The following SPEF2 variants were observed in gnomAD, a reference collection of about 807,000 sequenced individuals.
SPEF2 encodes sperm flagella and cilia-associated protein 2.
A neutral mutation model predicts 224.6 loss-of-function variants in SPEF2; 187 were observed. That is an observed-to-expected ratio of 0.83 (90% confidence interval 0.74 to 0.94). The LOEUF (loss-of-function observed/expected upper bound fraction) is 0.94. Ranked by LOEUF, SPEF2 falls within the 40% of genes least tolerant of loss-of-function variation. The probability of loss-of-function intolerance (pLI) is 0.00; values close to 1 mark genes in which losing one functional copy is unlikely to be tolerated. For missense variants in SPEF2, 2,170 were observed against 2,135.6 expected (o/e 1.02, Z -0.32); for synonymous variants, 715 against 707.3 (o/e 1.01, Z -0.17).
chr5:35,751,042 T>TATATATAC (rs758436058), intron 23 of SPEF2, among the ~76,000 whole-genome samples: 19 of 31,374 alleles, frequency 6.1e-4, no homozygotes, highest in African/African-American at 1.6e-3. Flanking sequence ...TATACACATA[T>TATATATAC]GTATATATAT....
At chr5:35,807,653 T>C (rs1228623000) in intron 36 of SPEF2, 1 of 1,535,754 alleles carries the variant, frequency 6.5e-7, no homozygotes, top group African/African-American at 1.4e-5. Flanking sequence ...ACATCATCTA[T>C]GTAGTGGAAA....
Position 35,814,505 on chromosome 5 carries a change from A to T in SPEF2, c.5421A>T (p.Gly1807=). The change falls in exon 37 of 37, where the codon GGA becomes GGT. Residue 1807 remains glycine (G), a synonymous_variant. Coordinates refer to ENST00000356031, the MANE Select transcript of SPEF2 (RefSeq NM_024867.4). ...TCCAAAGGAGTGAACATGTACAAGGAAGTGATGGAGAGAGATCACCTTCAA... is the reference window on the plus strand; with the variant it reads ...TCCAAAGGAGTGAACATGTACAAGGTAGTGATGGAGAGAGATCACCTTCAA... ...IILQRSEHVQ[G]SDGERSPSRH... 6.2e-7 allele frequency: 1 copy of T among 1,609,850 alleles called. No individual in the cohort carries two copies. The highest frequency in any genetic ancestry group is 2.2e-5 in the East Asian group (1 of 44,708).
chr5:35,693,417 T>C (rs1033441020), intron 12 of SPEF2, among the ~76,000 whole-genome samples: 13 of 152,138 alleles, frequency 8.5e-5, no homozygotes, highest in Admixed American at 5.9e-4. Flanking sequence ...ACCTGATCTA[T>C]ATTAGTAGAT....
In SPEF2 at chr5:35,707,875, A is replaced by G. The variant is rs545408532; in HGVS notation, c.2666-1073A>G. 1.5e-3 allele frequency among the ~76,000 whole-genome samples: 235 copies of G among 152,268 alleles called. 1 individual carries two copies. The highest frequency in any genetic ancestry group is 0.014 in the Middle Eastern group (4 of 292). ...TTGGGCATACTCACCCTGGCAGTCT[A>G]TCTAAAACTTAAGAAGCTGCCCACA... On this transcript the variant is annotated intron_variant, in intron 18 of 36. Transcript: ENST00000356031.
intron 10 of SPEF2, among the ~76,000 whole-genome samples, chr5:35,673,528 ACT>A (rs1751473943): frequency 6.6e-6 from 1 of 152,182 alleles, no homozygotes; most frequent in Non-Finnish European, 1.5e-5. Context: ...GCCACAAAGC[ACT>A]CAACCATTTT....
intron 8 of SPEF2, among the ~76,000 whole-genome samples, chr5:35,660,759 A>C (rs928472783): frequency 2.0e-5 from 3 of 152,114 alleles, no homozygotes; most frequent in South Asian, 4.1e-4. Flanking sequence ...AAATATGTTT[A>C]TTTCACAAGC....
intron 1 of SPEF2, among the ~76,000 whole-genome samples, chr5:35,618,516 A>G (rs1387623184): frequency 6.6e-6 from 1 of 152,196 alleles, no homozygotes; most frequent in African/African-American, 2.4e-5. Context: ...CCACTGGACA[A>G]GTTACAATAC....
intron 15 of SPEF2, 24 bp downstream of exon 15, chr5:35,697,817 C>T: frequency 1.5e-5 from 23 of 1,520,588 alleles, no homozygotes; most frequent in East Asian, 2.3e-5. Context: ...TTTTCTTCCT[C>T]TCATCTATTT....
At chr5:35,629,723 C>A (rs1247872601) in intron 2 of SPEF2, among the ~76,000 whole-genome samples, 1 of 152,146 alleles carries the variant, frequency 6.6e-6, no homozygotes, top group Non-Finnish European at 1.5e-5. Flanking sequence ...CAGCATCTGG[C>A]ACCTACTAAT....
chr5:35,724,822 C>T (rs1409953350), intron 20 of SPEF2, among the ~76,000 whole-genome samples: 1 of 152,078 alleles, frequency 6.6e-6, no homozygotes, highest in African/African-American at 2.4e-5. Context: ...TTATTATTGG[C>T]CCCAGACCAA....
At chr5:35,639,477 G>C (rs1216244986) in intron 2 of SPEF2, among the ~76,000 whole-genome samples, 1 of 152,042 alleles carries the variant, frequency 6.6e-6, no homozygotes, top group African/African-American at 2.4e-5. Context: ...CTCATGATTT[G>C]GGGATCTTAT....
intron 10 of SPEF2, among the ~76,000 whole-genome samples, chr5:35,687,941 A>AAAAAAATTTGCAAGC (rs1753887853): frequency 6.6e-6 from 1 of 151,904 alleles, no homozygotes; most frequent in Non-Finnish European, 1.5e-5. Context: ...TTTTGCAAGC[A>AAAAAAATTTGCAAGC]AAAAAATTTG....
intron 30 of SPEF2, among the ~76,000 whole-genome samples, chr5:35,779,562 G>T (rs564595391): frequency 2.6e-5 from 4 of 152,252 alleles, no homozygotes; most frequent in South Asian, 2.1e-4. Context: ...GCAGTGTGGT[G>T]GTCCTCATTC....
Position 35,739,977 on chromosome 5 carries a change from C to G in SPEF2, c.3122C>G (p.Thr1041Ser). The change falls in exon 22 of 37, where the codon ACC becomes AGC. Residue 1041 changes from threonine (T) to serine (S), a missense_variant. Thr to Ser is a moderately conservative substitution (Grantham distance 58). Transcript: ENST00000356031. ...WELIENSYIN[T>S]IKTVLRHLRE... is the part of the protein sequence containing the mutation. Reference sequence around the variant, plus strand: ...CTAATAGAAAATTCCTATATAAACACCATCAAAACAGTACTCAGGCATCTG... The same window carrying G: ...CTAATAGAAAATTCCTATATAAACAGCATCAAAACAGTACTCAGGCATCTG... 1 of 1,614,064 alleles carries G rather than the reference C, an allele frequency of 6.2e-7. No individual in the cohort carries two copies.
chr5:35,785,394 G>A (rs945031068), intron 30 of SPEF2, among the ~76,000 whole-genome samples: 1 of 152,124 alleles, frequency 6.6e-6, no homozygotes, highest in Non-Finnish European at 1.5e-5. Flanking sequence ...TTAGACAAAT[G>A]AAAGTATATA....
chr5:35,810,266 C>CAGT (rs1758452223), intron 36 of SPEF2, among the ~76,000 whole-genome samples: 1 of 152,104 alleles, frequency 6.6e-6, no homozygotes. Flanking sequence ...GGCTGGAGTG[C>CAGT]AGTGGCATGA....
chr5:35,774,940 T>G (rs1753397223), intron 28 of SPEF2, among the ~76,000 whole-genome samples: 1 of 152,160 alleles, frequency 6.6e-6, no homozygotes, highest in Non-Finnish European at 1.5e-5. Flanking sequence ...TGCATCTGAT[T>G]TCAGTGGTTT....
In SPEF2 at chr5:35,793,184, C is replaced by T. The variant is rs1199083931; in HGVS notation, c.4580C>T (p.Thr1527Ile). The T allele has an allele frequency of 6.2e-7, 1 of 1,614,036 alleles. No individual in the cohort carries two copies. Among genetic ancestry groups the T allele is most frequent in the South Asian group, 1.1e-5 (1 of 91,060 alleles). ...TTACAGGAATTAACATCTTTATTAA[C>T]AGTCAACTCCGAGTTCGTGGACTGG... ...PELQELTSLL[T>I]VNSEFVDWRK... Residue 1527 changes from threonine to isoleucine, a missense_variant, in exon 32 of 37, where the codon ACA becomes ATA. Coordinates refer to ENST00000356031, the MANE Select transcript of SPEF2 (RefSeq NM_024867.4).
chr5:35,651,346 A>G (rs895263493), intron 6 of SPEF2, among the ~76,000 whole-genome samples: 1 of 152,154 alleles, frequency 6.6e-6, no homozygotes, highest in Non-Finnish European at 1.5e-5. Context: ...GGTCCTGCCA[A>G]AGATTTCCAG....
Sources: allele counts gnomAD v4.1 joint callset (sites outside exome capture counted in the v4.1 genomes callset), GRCh38; gene constraint gnomAD v4.1.1; transcripts MANE v1.5; gene names NCBI Gene and HGNC (gene_info 2026-07-23, HGNC 2026-07-21).